RUVBL2: variants seen among roughly 807,000 people sequenced by gnomAD.
RUVBL2 encodes the protein ruvB-like 2.
A neutral mutation model predicts 57.9 loss-of-function variants in RUVBL2; 9 were observed. The ratio of observed to expected loss-of-function variants is 0.16; its 90% confidence interval spans 0.09 to 0.27. The LOEUF (loss-of-function observed/expected upper bound fraction) is 0.27. Among genes scored for constraint, RUVBL2 ranks in the 10% least tolerant of loss-of-function variants. RUVBL2 has a pLI of 1.00. For synonymous variants in RUVBL2, 278 were observed against 264.6 expected (o/e 1.05, Z -0.49); for missense variants, 456 against 669.6 (o/e 0.68, Z 3.52).
At chr19:49,014,018 G>A (rs918084227) in intron 11 of RUVBL2, among the ~76,000 whole-genome samples, 1 of 152,246 alleles carries the variant, frequency 6.6e-6, no homozygotes, top group Non-Finnish European at 1.5e-5. Flanking sequence ...GCTCGAGAGA[G>A]CCTAACCCTG....
chr19:49,010,640 T>C (rs758767587), intron 9 of RUVBL2, 29 bp downstream of exon 9: 2 of 1,611,922 alleles, frequency 1.2e-6, no homozygotes, highest in South Asian at 2.2e-5. Context: ...TGCCCTGCCC[T>C]GCCCTGCCCC....
intron 8 of RUVBL2, 83 bp downstream of exon 8, chr19:49,010,149 T>C: frequency 8.0e-7 from 1 of 1,254,698 alleles, no homozygotes; most frequent in Non-Finnish European, 1.1e-6. Flanking sequence ...ACCCATGGGG[T>C]CTGGATCTTC....
At position 49,015,729 on chromosome 19, in the gene RUVBL2, C is replaced by T. The variant is rs778939594; in HGVS notation, c.1366+43C>T. Reference sequence around the variant, plus strand: ...GCACCTGCACTGCCAGAGCCAACCTCAGAGGGAGGAAGAGGGAGCTCGGCG... The same window carrying T: ...GCACCTGCACTGCCAGAGCCAACCTTAGAGGGAGGAAGAGGGAGCTCGGCG... On this transcript the variant is annotated intron_variant, in intron 14 of 14. Coordinates refer to ENST00000595090, the MANE Select transcript of RUVBL2 (RefSeq NM_006666.3). The T allele has an allele frequency of 1.9e-5, 30 of 1,611,802 alleles. 2 individuals are homozygous for T. In the South Asian group the frequency reaches 3.3e-4, roughly 18 times the overall value.
chr19:48,993,830 A>G (rs2122556728), upstream of RUVBL2: 10 of 1,559,830 alleles, frequency 6.4e-6, no homozygotes, highest in Non-Finnish European at 8.8e-6. Flanking sequence ...TCTTTGAAGA[A>G]CCAGCTAGCC....
chr19:49,009,752 TC>T, intron 6 of RUVBL2, 23 bp from the exon 7 acceptor site: 1 of 1,604,556 alleles, frequency 6.2e-7, no homozygotes, highest in Non-Finnish European at 8.5e-7. Context: ...CTGAGCCCCA[TC>T]CCTGGCTTGT....
At position 48,993,894 on chromosome 19, in the gene RUVBL2, T is replaced by A; in HGVS notation, c.-18T>A. ...CGCGTTTCCGTTTCCGCTAGGACTC[T>A]GGCAGTTGGTGAGCATCATGGCAAC... On this transcript the variant is annotated 5_prime_UTR_variant, in exon 1 of 15. Transcript: ENST00000595090. The A allele has an allele frequency of 6.2e-7, 1 of 1,614,116 alleles. No homozygotes were observed.
intron 1 of RUVBL2, among the ~76,000 whole-genome samples, chr19:48,995,386 A>G (rs2039036712): frequency 6.7e-6 from 1 of 150,202 alleles, no homozygotes; most frequent in Admixed American, 6.7e-5. Context: ...GTAATGTTCT[A>G]TGCTCCTGGG....
intron 7 of RUVBL2, 28 bp from the exon 8 acceptor site, chr19:49,009,945 C>T: frequency 1.2e-6 from 2 of 1,610,598 alleles, no homozygotes; most frequent in Non-Finnish European, 1.7e-6. Context: ...CCATTCCTTT[C>T]CTTACCCTAC....
At chr19:49,006,985 C>T (rs77695658) in intron 4 of RUVBL2, 33 bp from the exon 5 acceptor site, 73,060 of 1,601,394 alleles carry the variant, frequency 0.046, 1,942 homozygotes, top group Non-Finnish European at 0.055. Flanking sequence ...GGTGCCAGAG[C>T]GGCTTCACCT....
chr19:48,999,245 T>C (rs1350748243), intron 1 of RUVBL2, 74 bp from the exon 2 acceptor site: 13 of 1,505,128 alleles, frequency 8.6e-6, no homozygotes, highest in Non-Finnish European at 9.3e-6. Context: ...GACCATCTCA[T>C]GGGAGGGACA....
rs778458331 is a variant in RUVBL2, at chr19:49,009,792, A to G, written c.479A>G (p.Lys160Arg). The change falls in exon 7 of 15, where the codon AAA becomes AGA. Residue 160 changes from lysine to arginine, a missense_variant. Lys to Arg is a conservative substitution (Grantham distance 26). This residue lies in a region of RUVBL2 where 233 missense variants were observed against 306.0 expected (regional missense o/e 0.76). Coordinates refer to ENST00000595090, the MANE Select transcript of RUVBL2 (RefSeq NM_006666.3). ...CACTCTCAGGGCTCCAAGGTGGGCAAACTGACCCTCAAGACCACAGAGATG... is the reference window on the plus strand; with the variant it reads ...CACTCTCAGGGCTCCAAGGTGGGCAGACTGACCCTCAAGACCACAGAGATG... ...PATGTGSKVGKLTLKTTEMET... is the reference protein window; with the variant it reads ...PATGTGSKVGRLTLKTTEMET... 5 of 1,614,016 alleles carry G rather than the reference A, an allele frequency of 3.1e-6. No homozygotes were observed. In the East Asian group the frequency reaches 1.1e-4, roughly 36 times the overall value.
chr19:48,995,002 C>T (rs1391898542), intron 1 of RUVBL2: 1 of 151,414 alleles, frequency 6.6e-6, no homozygotes, highest in East Asian at 1.9e-4. Flanking sequence ...TGAGCCCAGT[C>T]AAGATGGAGG....
chr19:49,010,307 C>A, intron 8 of RUVBL2, 181 bp from the exon 9 acceptor site: 1 of 705,400 alleles, frequency 1.4e-6, no homozygotes, highest in Non-Finnish European at 2.4e-6. Flanking sequence ...TGACCCTCAG[C>A]GCTCTGGAAT....
chr19:49,008,963 G>C (rs543156203), intron 6 of RUVBL2, among the ~76,000 whole-genome samples: 1 of 148,912 alleles, frequency 6.7e-6, no homozygotes, highest in Non-Finnish European at 1.5e-5. Flanking sequence ...TGGGCAACAA[G>C]AGCGAAACTC....
At chr19:49,003,223 C>G (rs1394805448) in intron 2 of RUVBL2, 56 bp from the exon 3 acceptor site, 1 of 1,465,792 alleles carries the variant, frequency 6.8e-7, no homozygotes, top group Non-Finnish European at 9.4e-7. Flanking sequence ...AGGGGTCAGG[C>G]CACATGTGCA....
upstream of RUVBL2, chr19:48,993,711 C>T: frequency 1.5e-6 from 1 of 660,988 alleles, no homozygotes; most frequent in Non-Finnish European, 2.7e-6. Context: ...TGGGAATGGA[C>T]CCAGGAGTTC....
Position 48,999,307 on chromosome 19 carries a change from T to C in RUVBL2, c.13-12T>C. 1 of 1,614,138 alleles carries C rather than the reference T, an allele frequency of 6.2e-7. No individual in the cohort carries two copies. The highest frequency in any genetic ancestry group is 8.5e-7 in the Non-Finnish European group (1 of 1,180,016). ...CACACTAGTCCTCTGACACATCTTC[T>C]TGCACCCCCAGACAGCCACAACCAA... On this transcript the variant is annotated splice_polypyrimidine_tract_variant and intron_variant, in intron 1 of 14. Transcript: ENST00000595090.
At chr19:48,994,204 G>C in intron 1 of RUVBL2, 1 of 535,912 alleles carries the variant, frequency 1.9e-6, no homozygotes, top group Non-Finnish European at 3.4e-6. Context: ...TCATCTTGGC[G>C]CAACGGCCGG....
At chr19:49,008,902 C>T (rs1482515900) in intron 6 of RUVBL2, among the ~76,000 whole-genome samples, 1 of 151,928 alleles carries the variant, frequency 6.6e-6, no homozygotes, top group Non-Finnish European at 1.5e-5. Flanking sequence ...TCGCTTGAAT[C>T]TGGGAGGCAG....
Sources: gnomAD v4.1 joint callset for allele counts (sites outside exome capture counted in the v4.1 genomes callset) on GRCh38, gnomAD v4.1.1 for gene constraint, gnomAD v4.1.1 regional missense constraint, MANE v1.5 for transcripts, NCBI Gene and HGNC (gene_info 2026-07-23, HGNC 2026-07-21) for gene names.